Variants in RASAL2 observed in about 807,000 individuals in gnomAD.
RASAL2 encodes the protein ras GTPase-activating protein nGAP.
A neutral mutation model predicts 128.9 loss-of-function variants in RASAL2; 58 were observed. That is an observed-to-expected ratio of 0.45 (90% confidence interval 0.36 to 0.56). The LOEUF (loss-of-function observed/expected upper bound fraction) is 0.56. Ranked by LOEUF, RASAL2 falls within the 20% of genes least tolerant of loss-of-function variation. The pLI is 0.00. For missense variants in RASAL2, 1,360 were observed against 1,601.6 expected (o/e 0.85, Z 2.57); for synonymous variants, 561 against 580.8 (o/e 0.97, Z 0.49).
chr1:178,157,095 T>C lies in RASAL2; in HGVS notation c.202+62401T>C, dbSNP rs1481215562. ...TGGGCTTTGACTGTCATAAAAATAA[T>C]GTTTTAAAACATTATATATTGACTT... On this transcript the variant is annotated intron_variant, in intron 1 of 17. Transcript: ENST00000367649. 2.6e-5 allele frequency among the ~76,000 whole-genome samples: 4 copies of C among 152,188 alleles called. No homozygotes were observed. In the South Asian group the frequency reaches 8.3e-4, roughly 32 times the overall value.
chr1:178,169,648 T>G (rs1193172632), intron 1 of RASAL2, among the ~76,000 whole-genome samples: 1 of 152,020 alleles, frequency 6.6e-6, no homozygotes, highest in East Asian at 1.9e-4. Context: ...TTTTCAAGTT[T>G]GTACCTTTCC....
At chr1:178,180,485 C>CAAAAAAAAAAAAAAAA (rs71108033) in intron 1 of RASAL2, among the ~76,000 whole-genome samples, 1 of 72,540 alleles carries the variant, frequency 1.4e-5, no homozygotes, top group African/African-American at 5.2e-5. Context: ...TCATCTCTAC[C>CAAAAAAAAAAAAAAAA]AAAAAAAAAA....
At chr1:178,210,236 TTA>T (rs1218040305) in intron 1 of RASAL2, among the ~76,000 whole-genome samples, 6 of 152,216 alleles carry the variant, frequency 3.9e-5, no homozygotes, top group Admixed American at 6.5e-5. Flanking sequence ...TTTATAATTT[TTA>T]GTTTTCTGCC....
At chr1:178,380,822 A>G (rs1316894017) in intron 3 of RASAL2, among the ~76,000 whole-genome samples, 2 of 152,194 alleles carry the variant, frequency 1.3e-5, no homozygotes, top group Non-Finnish European at 2.9e-5. Flanking sequence ...GCAGTGACTT[A>G]AGACCTCCAT....
intron 1 of RASAL2, among the ~76,000 whole-genome samples, chr1:178,111,761 G>A (rs1206554562): frequency 6.6e-6 from 1 of 152,080 alleles, no homozygotes; most frequent in Non-Finnish European, 1.5e-5. Flanking sequence ...ATGGAGTCTT[G>A]CTTTGTCACC....
intron 1 of RASAL2, among the ~76,000 whole-genome samples, chr1:178,228,738 A>G (rs1163569824): frequency 6.6e-6 from 1 of 152,180 alleles, no homozygotes; most frequent in African/African-American, 2.4e-5. Flanking sequence ...CTCAAATTCT[A>G]TTCCCAGTTT....
chr1:178,227,844 A>G (rs948226502), intron 1 of RASAL2, among the ~76,000 whole-genome samples: 2 of 152,246 alleles, frequency 1.3e-5, no homozygotes, highest in South Asian at 2.1e-4. Context: ...TTCAATGAGC[A>G]GCCAACTTTT....
In RASAL2 at chr1:178,094,606, C is replaced by T. The variant is rs1558049791; in HGVS notation, c.114C>T (p.Val38=). Residue 38 remains valine, a synonymous_variant, in exon 1 of 18, where the codon GTC becomes GTT. Transcript: ENST00000367649. ...CCCCGGAGGACCTGGACGCGGTTGT[C>T]CCAGTCAGTGGAGCCGTCGCCGGTG... ...PLPPEDLDAV[V]PVSGAVAGGM... is the part of the protein sequence containing the mutation. The T allele has an allele frequency of 1.9e-6, 3 of 1,612,600 alleles. No homozygotes were observed. Among genetic ancestry groups the T allele is most frequent in the Non-Finnish European group, 2.5e-6 (3 of 1,179,490 alleles).
At chr1:178,180,319 C>T (rs1203331300) in intron 1 of RASAL2, among the ~76,000 whole-genome samples, 1 of 151,638 alleles carries the variant, frequency 6.6e-6, no homozygotes, top group Non-Finnish European at 1.5e-5. Context: ...TTCCCTTTAC[C>T]ATTCTTGCAA....
chr1:178,112,290 GC>G (rs1357239971), intron 1 of RASAL2, among the ~76,000 whole-genome samples: 2 of 152,070 alleles, frequency 1.3e-5, no homozygotes, highest in African/African-American at 4.8e-5. Context: ...GGTGGCTCAT[GC>G]CTGTAATCCT....
chr1:178,233,898 A>G (rs767324929), intron 1 of RASAL2, among the ~76,000 whole-genome samples: 1 of 152,212 alleles, frequency 6.6e-6, no homozygotes, highest in Non-Finnish European at 1.5e-5. Context: ...GCAATGAATA[A>G]GGGGAAAAAA....
intron 9 of RASAL2, among the ~76,000 whole-genome samples, chr1:178,447,172 T>A (rs1206149938): frequency 2.6e-5 from 4 of 152,032 alleles, no homozygotes; most frequent in African/African-American, 9.7e-5. Flanking sequence ...TAAGACGAGT[T>A]GTATCCAGGC....
At chr1:178,265,643 C>T (rs1254668013) in intron 1 of RASAL2, among the ~76,000 whole-genome samples, 1 of 152,116 alleles carries the variant, frequency 6.6e-6, no homozygotes, top group Non-Finnish European at 1.5e-5. Flanking sequence ...GGATAATGTA[C>T]ACAAAGTACA....
intron 1 of RASAL2, among the ~76,000 whole-genome samples, chr1:178,266,903 G>T (rs1017254351): frequency 1.3e-5 from 2 of 152,162 alleles, no homozygotes; most frequent in Admixed American, 6.5e-5. Context: ...AGGCACATGT[G>T]GGGGCAAAGG....
At chr1:178,102,192 A>T (rs1294581511) in intron 1 of RASAL2, among the ~76,000 whole-genome samples, 1 of 152,236 alleles carries the variant, frequency 6.6e-6, no homozygotes, top group Non-Finnish European at 1.5e-5. Context: ...GATTCCTGTC[A>T]TTAAAAATTA....
intron 1 of RASAL2, among the ~76,000 whole-genome samples, chr1:178,230,452 A>G (rs954509763): frequency 6.6e-6 from 1 of 152,182 alleles, no homozygotes; most frequent in Non-Finnish European, 1.5e-5. Context: ...CCTCACCAGC[A>G]TGTGGTTTTA....
At chr1:178,164,823 T>TTGTGTGTGTGTGTGTGTGTGTGTG (rs200932615) in intron 1 of RASAL2, among the ~76,000 whole-genome samples, 1 of 131,902 alleles carries the variant, frequency 7.6e-6, no homozygotes, top group Non-Finnish European at 1.6e-5. Context: ...CATCAAACGT[T>TTGTGTGTGTGTGTGTGTGTGTGTG]TGTGTGTGTG....
At chr1:178,096,321 A>G (rs1658681130) in intron 1 of RASAL2, among the ~76,000 whole-genome samples, 2 of 152,146 alleles carry the variant, frequency 1.3e-5, no homozygotes, top group Admixed American at 6.5e-5. Flanking sequence ...ATAATTCGGT[A>G]TTTCAGTATC....
At chr1:178,407,963 A>G (rs1674097385) in intron 4 of RASAL2, among the ~76,000 whole-genome samples, 2 of 152,250 alleles carry the variant, frequency 1.3e-5, no homozygotes, top group South Asian at 2.1e-4. Flanking sequence ...AACTTTAGTT[A>G]TCATTGTCTT....
Sources: gnomAD v4.1 joint callset for allele counts (sites outside exome capture counted in the v4.1 genomes callset) on GRCh38, gnomAD v4.1.1 for gene constraint, MANE v1.5 for transcripts, NCBI Gene and HGNC (gene_info 2026-07-23, HGNC 2026-07-21) for gene names.